Variants in KNSTRN observed in about 807,000 individuals in gnomAD.
KNSTRN encodes small kinetochore-associated protein.
A neutral mutation model predicts 44.7 loss-of-function variants in KNSTRN; 38 were observed. The ratio of observed to expected loss-of-function variants is 0.85; its 90% confidence interval spans 0.66 to 1.11. The LOEUF is 1.11. Among genes scored for constraint, KNSTRN ranks in the 50% most tolerant of loss-of-function variants. The pLI is 0.00. For synonymous variants in KNSTRN, 158 were observed against 148.1 expected (o/e 1.07, Z -0.48); for missense variants, 406 against 375.8 (o/e 1.08, Z -0.66).
chr15:40,382,738 C>T lies in KNSTRN; in HGVS notation c.-98C>T, dbSNP rs1889825669. The T allele has an allele frequency of 1.3e-5, 14 of 1,083,570 alleles. No individual in the cohort carries two copies. The highest frequency in any genetic ancestry group is 1.6e-5 in the Non-Finnish European group (12 of 752,844). 67.1% of individuals were successfully genotyped at this position (1,083,570 alleles called of 1,614,324 possible). On this transcript the variant is annotated 5_prime_UTR_variant, in exon 1 of 9. Coordinates refer to ENST00000249776, the MANE Select transcript of KNSTRN (RefSeq NM_033286.4). ...GGTAGCTCATTAGCTCCATTCAAGC[C>T]TACAAATTGCATCACCCTCCTCCTC...
At chr15:40,383,383 G>A in intron 2 of KNSTRN, 61 bp downstream of exon 2, 1 of 1,364,926 alleles carries the variant, frequency 7.3e-7, no homozygotes, top group Non-Finnish European at 1.0e-6. Flanking sequence ...TCGGGAGTGT[G>A]GAGATCGAAT....
At chr15:40,386,656 C>G in intron 3 of KNSTRN, 162 bp downstream of exon 3, 2 of 667,034 alleles carry the variant, frequency 3.0e-6, no homozygotes, top group Non-Finnish European at 5.0e-6. Flanking sequence ...TGCCAGAACC[C>G]TCTGTGTTGA....
chr15:40,386,733 C>G, intron 3 of KNSTRN: 2 of 541,262 alleles, frequency 3.7e-6, no homozygotes, highest in Non-Finnish European at 3.3e-6. Flanking sequence ...TTGCTCTGAG[C>G]ATACAAGTGG....
At chr15:40,384,965 T>A (rs1889879249) in intron 2 of KNSTRN, 1 of 153,074 alleles carries the variant, frequency 6.5e-6, no homozygotes, top group South Asian at 2.0e-4. Context: ...AATTGACTGT[T>A]AACTCCATTT....
intron 2 of KNSTRN, chr15:40,384,581 A>G (rs1219765815): frequency 2.3e-6 from 1 of 432,984 alleles, no homozygotes; most frequent in Non-Finnish European, 4.6e-6. Flanking sequence ...GGCAGTGACT[A>G]GCTCTCTCAG....
At chr15:40,393,076 C>CA (rs1350413580) in intron 8 of KNSTRN, 5 of 1,005,660 alleles carry the variant, frequency 5.0e-6, no homozygotes, top group Non-Finnish European at 7.7e-6. Context: ...ATGTGTAACA[C>CA]AGTAGGTTGC....
chr15:40,389,726 A>G (rs1889966273), intron 5 of KNSTRN, 110 bp from the exon 6 acceptor site: 9 of 1,311,122 alleles, frequency 6.9e-6, no homozygotes, highest in Admixed American at 1.9e-5. Context: ...CCAAGGGCAG[A>G]AAAAAAAAGC....
chr15:40,393,465 G>T lies in KNSTRN; in HGVS notation c.823-4G>T, dbSNP rs201289104. ...GTTTTCTTTTGGAATGTCTTTCCAT[G>T]CAGGCCTTAAAGGTAAAGCTGGAGA... On this transcript the variant is annotated splice_region_variant and splice_polypyrimidine_tract_variant and intron_variant, in intron 8 of 8. Coordinates refer to ENST00000249776, the MANE Select transcript of KNSTRN (RefSeq NM_033286.4). 1.2e-6 allele frequency: 2 copies of T among 1,610,228 alleles called. No homozygotes were observed. The highest frequency in any genetic ancestry group is 1.3e-5 in the African/African-American group (1 of 74,752).
intron 2 of KNSTRN, chr15:40,384,711 C>A: frequency 8.0e-6 from 2 of 248,796 alleles, no homozygotes; most frequent in Non-Finnish European, 1.6e-5. Context: ...TGATTTTGAG[C>A]GTGGGCTGGA....
chr15:40,393,573 A>C lies in KNSTRN; in HGVS notation c.927A>C (p.Glu309Asp), dbSNP rs770890334. ...ATGATTTAACAACAGCCCTTAAGGA[A>C]ATGGAGCAGCTATTAGAAATGTAAG... The part of the protein sequence containing the change: ...QVNDLTTALK[E>D]MEQLLEM Residue 309 changes from glutamate (E) to aspartate (D), a missense_variant, in exon 9 of 9, where the codon GAA (glutamate) becomes GAC (aspartate). Physicochemically the swap from Glu to Asp is conservative, Grantham distance 45. Coordinates refer to ENST00000249776, the MANE Select transcript of KNSTRN (RefSeq NM_033286.4). The C allele has an allele frequency of 1.2e-6, 2 of 1,613,948 alleles. No individual in the cohort carries two copies. The highest frequency in any genetic ancestry group is 1.7e-6 in the Non-Finnish European group (2 of 1,179,942).
Position 40,382,793 on chromosome 15 carries a change from C to A in KNSTRN, c.-43C>A. On this transcript the variant is annotated 5_prime_UTR_variant, in exon 1 of 9. Transcript: ENST00000249776. ...CAGACCTGGGGGCTCCAACACCTTT[C>A]GCTAGGTCTGGCTCTGGCCTCTGAG... 1 of 1,566,482 alleles carries A rather than the reference C, an allele frequency of 6.4e-7. No homozygotes were observed. Among genetic ancestry groups the A allele is most frequent in the South Asian group, 1.1e-5 (1 of 87,496 alleles).
intron 2 of KNSTRN, chr15:40,383,538 C>A: frequency 1.8e-6 from 1 of 548,592 alleles, no homozygotes. Flanking sequence ...TTTCTGCCCG[C>A]ATGTGTACTG....
At chr15:40,387,253 A>T (rs1352117982) in intron 4 of KNSTRN, 47 bp downstream of exon 4, 2 of 1,388,552 alleles carry the variant, frequency 1.4e-6, no homozygotes, top group Non-Finnish European at 1.0e-6. Context: ...AGGGTAGTGG[A>T]TCTCAATCCT....
Position 40,382,806 on chromosome 15 carries a change from T to A in KNSTRN, c.-30T>A, listed in dbSNP as rs1254254144. ...TCCAACACCTTTCGCTAGGTCTGGC[T>A]CTGGCCTCTGAGCGAACCTTCCGTA... On this transcript the variant is annotated 5_prime_UTR_variant, in exon 1 of 9. Transcript: ENST00000249776. The A allele has an allele frequency of 1.4e-5, 22 of 1,597,448 alleles. No homozygotes were observed. The highest frequency in any genetic ancestry group is 1.9e-5 in the Non-Finnish European group (22 of 1,171,896).
chr15:40,391,376 C>T (rs1018596564), intron 6 of KNSTRN, 117 bp from the exon 7 acceptor site: 20 of 768,958 alleles, frequency 2.6e-5, no homozygotes, highest in Middle Eastern at 3.2e-4. Context: ...CAGGATGAGA[C>T]ACTTAAGAGA....
intron 7 of KNSTRN, 85 bp from the exon 8 acceptor site, chr15:40,391,864 C>A: frequency 9.7e-7 from 1 of 1,030,872 alleles, no homozygotes. Context: ...TTGTTGAGAA[C>A]TGTGTGGAAA....
rs1890046389 is a variant in KNSTRN at position 40,393,920 on chromosome 15, C to T, written c.*323C>T. The T allele has an allele frequency of 1.6e-5, 3 of 185,272 alleles. No individual in the cohort carries two copies. In the South Asian group the frequency reaches 3.4e-4, roughly 21 times the overall value. 11.5% of individuals were successfully genotyped at this position (185,272 alleles called of 1,614,324 possible). A position where few individuals can be genotyped will look rare whatever the true frequency, so the allele number is the denominator to read the frequency against. ...CATTACAATCGGGAGACTAAACCAA[C>T]AACCAGAGGATCTAAAATGTCACAT... On this transcript the variant is annotated 3_prime_UTR_variant, in exon 9 of 9. Coordinates refer to ENST00000249776, the MANE Select transcript of KNSTRN (RefSeq NM_033286.4).
At chr15:40,389,654 G>A (rs756881818) in intron 5 of KNSTRN, 43 bp downstream of exon 5, 22 of 1,428,004 alleles carry the variant, frequency 1.5e-5, no homozygotes, top group East Asian at 2.3e-5. Context: ...GCCACTGGGC[G>A]ATCCACATGG....
At chr15:40,392,344 C>T (rs1595741228) in intron 8 of KNSTRN, among the ~76,000 whole-genome samples, 1 of 152,080 alleles carries the variant, frequency 6.6e-6, no homozygotes, top group Admixed American at 6.5e-5. Context: ...GATGCACTTC[C>T]TCCTCCACCC....
Sources: allele counts gnomAD v4.1 joint callset (sites outside exome capture counted in the v4.1 genomes callset), GRCh38; gene constraint gnomAD v4.1.1; transcripts MANE v1.5; gene names NCBI Gene and HGNC (gene_info 2026-07-23, HGNC 2026-07-21).